CPVL: variants seen among roughly 807,000 people sequenced by gnomAD.
CPVL encodes carboxypeptidase vitellogenic like.
In CPVL, 51 loss-of-function variants were observed where a neutral mutation model predicts 63.7. That is an observed-to-expected ratio of 0.80 (90% CI 0.64 to 1.01). The LOEUF (loss-of-function observed/expected upper bound fraction) is 1.01, where lower values mean the gene tolerates loss of function less well. Ranked by LOEUF, CPVL falls within the 50% of genes least tolerant of loss-of-function variation. The pLI, the probability that CPVL is intolerant of heterozygous loss-of-function variation, is 0.00. For synonymous variants in CPVL, 195 were observed against 206.0 expected, an observed-to-expected ratio of 0.95 and a Z score of 0.46; for missense variants, 530 against 573.1, an observed-to-expected ratio of 0.92 and a Z score of 0.77.
chr7:29,067,205 T>C (rs192772792), intron 9 of CPVL, among the ~76,000 whole-genome samples: 172 of 152,202 alleles, frequency 1.1e-3, no homozygotes, highest in African/African-American at 4.1e-3. Flanking sequence ...AACAAGATCA[T>C]TGAAAAAGAG....
chr7:29,050,343 C>G (rs143871267), intron 11 of CPVL, among the ~76,000 whole-genome samples: 330 of 152,044 alleles, frequency 2.2e-3, no homozygotes, highest in Non-Finnish European at 4.3e-3. Context: ...ATCAGTAGCT[C>G]TTCTATACGC....
At chr7:29,159,118 C>A (rs755529276) in intron 5 of CPVL, among the ~76,000 whole-genome samples, 1 of 152,202 alleles carries the variant, frequency 6.6e-6, no homozygotes, top group Non-Finnish European at 1.5e-5. Flanking sequence ...GGCTACACAG[C>A]ACAAGGAGCC....
chr7:29,171,133 C>T (rs937192581), intron 5 of CPVL, among the ~76,000 whole-genome samples: 5 of 152,130 alleles, frequency 3.3e-5, no homozygotes, highest in East Asian at 1.9e-4. Flanking sequence ...AATGAACTGC[C>T]GGTTTCCCCC....
At chr7:29,007,340 A>G (rs940345256) in intron 12 of CPVL, among the ~76,000 whole-genome samples, 2 of 152,240 alleles carry the variant, frequency 1.3e-5, no homozygotes, top group East Asian at 3.8e-4. Flanking sequence ...ATAGAACCAC[A>G]TGAACTAAGA....
intron 3 of CPVL, among the ~76,000 whole-genome samples, chr7:29,103,411 A>ATTTTTTTTTTTTTTTTTTTTTTT (rs551627609): frequency 7.4e-6 from 1 of 134,806 alleles, no homozygotes. Context: ...ATGCTCAGCT[A>ATTTTTTTTTTTTTTTTTTTTTTT]TTTTTTTTTT....
rs1165700443 is a variant in CPVL, at chr7:29,095,151, A to T, written c.404-9T>A. 1 of 1,612,920 alleles carries T rather than the reference A, an allele frequency of 6.2e-7. No individual in the cohort carries two copies. Among genetic ancestry groups the T allele is most frequent in the Admixed American group, 1.7e-5 (1 of 60,008 alleles). ...GAAGTCTCTGTCACGCACTGTGAAA[A>T]CAAAGAAGAGGGGTGAGATAGAGTC... is the stretch of plus-strand genomic sequence containing the variant. On this transcript the variant is annotated splice_polypyrimidine_tract_variant and intron_variant, in intron 4 of 12. Coordinates refer to ENST00000265394, the MANE Select transcript of CPVL (RefSeq NM_031311.5).
intron 5 of CPVL, among the ~76,000 whole-genome samples, chr7:29,165,480 CAGT>C: frequency 6.6e-6 from 1 of 152,108 alleles, no homozygotes; most frequent in South Asian, 2.1e-4. Context: ...GAATTTTCCA[CAGT>C]CATGTTGTCT....
chr7:29,131,516 CTT>C (rs1238500127), intron 1 of CPVL, among the ~76,000 whole-genome samples: 3 of 152,114 alleles, frequency 2.0e-5, no homozygotes, highest in Admixed American at 6.6e-5. Flanking sequence ...CACCTCCACT[CTT>C]TGTGTTTTTT....
intron 11 of CPVL, among the ~76,000 whole-genome samples, chr7:29,045,635 G>A (rs943123101): frequency 3.9e-5 from 6 of 152,218 alleles, no homozygotes; most frequent in African/African-American, 1.4e-4. Flanking sequence ...TGGTTTGACA[G>A]AAGCTTAAAG....
At chr7:29,028,884 G>A (rs1025923509) in intron 12 of CPVL, among the ~76,000 whole-genome samples, 33 of 148,526 alleles carry the variant, frequency 2.2e-4, no homozygotes, top group African/African-American at 7.7e-4. Context: ...AGAATGGCGC[G>A]AACCGGTGTG....
At chr7:29,173,025 G>A (rs536056644) in intron 5 of CPVL, among the ~76,000 whole-genome samples, 16 of 151,982 alleles carry the variant, frequency 1.1e-4, no homozygotes, top group Admixed American at 2.6e-4. Flanking sequence ...CAGCCACTCA[G>A]GAGCCTGGGG....
chr7:29,060,970 G>A (rs534445483), intron 11 of CPVL, among the ~76,000 whole-genome samples: 2 of 152,270 alleles, frequency 1.3e-5, no homozygotes, highest in East Asian at 3.9e-4. Flanking sequence ...ACTATCCCAA[G>A]CGCTTTGCCA....
chr7:29,094,988 A>G (rs906789988), intron 5 of CPVL, 96 bp downstream of exon 5: 1 of 887,996 alleles, frequency 1.1e-6, no homozygotes, highest in Non-Finnish European at 1.8e-6. Context: ...CAAAAGGAAA[A>G]ACGAAATCTA....
At chr7:29,192,420 CT>C (rs1783007217) in intron 1 of CPVL, 1 of 152,174 alleles carries the variant, frequency 6.6e-6, no homozygotes, top group Non-Finnish European at 1.5e-5. Flanking sequence ...ATCTGTTGTC[CT>C]TTTGTGAAAT....
intron 1 of CPVL, among the ~76,000 whole-genome samples, chr7:29,123,632 T>A (rs1262115343): frequency 6.3e-4 from 47 of 75,152 alleles, no homozygotes; most frequent in East Asian, 1.3e-3. Context: ...AAAAAAAATA[T>A]ATATATATAT....
chr7:29,119,149 G>T (rs1360652814), intron 2 of CPVL, among the ~76,000 whole-genome samples: 1 of 152,172 alleles, frequency 6.6e-6, no homozygotes, highest in African/African-American at 2.4e-5. Flanking sequence ...CCAGAAAGTT[G>T]AAATCATTTA....
At chr7:29,141,985 T>C (rs942330563) in intron 1 of CPVL, among the ~76,000 whole-genome samples, 1 of 152,166 alleles carries the variant, frequency 6.6e-6, no homozygotes, top group African/African-American at 2.4e-5. Flanking sequence ...GCTTCTGATC[T>C]GCAAGTGGGT....
At chr7:29,054,651 C>T (rs1179162601) in intron 11 of CPVL, among the ~76,000 whole-genome samples, 2 of 152,208 alleles carry the variant, frequency 1.3e-5, no homozygotes, top group Non-Finnish European at 2.9e-5. Flanking sequence ...TCTGTGCATT[C>T]ATAACCTTTA....
intron 6 of CPVL, among the ~76,000 whole-genome samples, chr7:29,087,739 C>T (rs916467837): frequency 6.6e-6 from 1 of 152,042 alleles, no homozygotes; most frequent in Non-Finnish European, 1.5e-5. Flanking sequence ...AGGAGGATGG[C>T]GAAGTTCAAG....
Sources: allele counts gnomAD v4.1 joint callset (sites outside exome capture counted in the v4.1 genomes callset), GRCh38; gene constraint gnomAD v4.1.1; transcripts MANE v1.5; gene names NCBI Gene and HGNC (gene_info 2026-07-23, HGNC 2026-07-21).